PTBP2: variants seen among roughly 807,000 people sequenced by gnomAD.
PTBP2 encodes polypyrimidine tract binding protein 2.
Under a neutral mutation model 61.4 loss-of-function variants are expected in PTBP2, and 13 were observed. The ratio of observed to expected loss-of-function variants is 0.21; its 90% CI spans 0.14 to 0.34. The LOEUF (loss-of-function observed/expected upper bound fraction) is 0.34, where lower values mean the gene tolerates loss of function less well. Ranked by LOEUF, PTBP2 falls within the 10% of genes least tolerant of loss-of-function variation. The pLI, the probability that PTBP2 is intolerant of heterozygous loss-of-function variation, is 1.00. For synonymous variants in PTBP2, 215 were observed against 218.5 expected, an observed-to-expected ratio of 0.98 and a Z score of 0.14; for missense variants, 405 against 642.6, an observed-to-expected ratio of 0.63 and a Z score of 4.00.
intron 3 of PTBP2, among the ~76,000 whole-genome samples, chr1:96,753,357 G>T (rs919137225): frequency 6.6e-6 from 1 of 152,040 alleles, no homozygotes; most frequent in Non-Finnish European, 1.5e-5. Context: ...TATAGGAAGT[G>T]CCATCTATAA....
intron 7 of PTBP2, among the ~76,000 whole-genome samples, chr1:96,782,683 G>A (rs970890612): frequency 6.6e-6 from 1 of 151,956 alleles, no homozygotes; most frequent in Admixed American, 6.6e-5. Context: ...ATATTAAAAA[G>A]TAGATATTTA....
intron 2 of PTBP2, among the ~76,000 whole-genome samples, chr1:96,738,890 A>G (rs1435405350): frequency 6.6e-6 from 1 of 152,238 alleles, no homozygotes; most frequent in Non-Finnish European, 1.5e-5. Context: ...AAAAATGATC[A>G]GATAAGTATA....
chr1:96,791,920 G>A (rs1324241160), intron 8 of PTBP2, among the ~76,000 whole-genome samples: 3 of 137,814 alleles, frequency 2.2e-5, no homozygotes, highest in Non-Finnish European at 3.0e-5. Flanking sequence ...TGCAAGCTCC[G>A]CCTCCTGGGT....
Position 96,812,613 on chromosome 1 carries a change from T to C in PTBP2, c.1172-99T>C, listed in dbSNP as rs1164498658. ...GGTAAATTGGTGATTTATTTTAAAA[T>C]CATAAGAAAATTCAAATTTTTAAAC... is the stretch of plus-strand genomic sequence containing the variant. On this transcript the variant is annotated intron_variant, in intron 11 of 13. Transcript: ENST00000674951. 4.1e-6 allele frequency: 4 copies of C among 964,966 alleles called. No individual in the cohort carries two copies. The South Asian group carries it at 5.3e-5, about 13-fold the overall frequency. 59.8% of individuals were successfully genotyped at this position (964,966 alleles called of 1,614,324 possible).
chr1:96,784,646 G>T (rs1428564684), intron 7 of PTBP2, among the ~76,000 whole-genome samples: 1 of 152,082 alleles, frequency 6.6e-6, no homozygotes, highest in Non-Finnish European at 1.5e-5. Context: ...TTCTAAAACT[G>T]TACTGAATCA....
At chr1:96,796,032 G>A (rs190628086) in intron 8 of PTBP2, among the ~76,000 whole-genome samples, 1 of 152,320 alleles carries the variant, frequency 6.6e-6, no homozygotes, top group East Asian at 1.9e-4. Flanking sequence ...TTAAGTCCTA[G>A]AATTGATTGC....
At chr1:96,725,775 A>G (rs910825425) in intron 2 of PTBP2, among the ~76,000 whole-genome samples, 3 of 152,068 alleles carry the variant, frequency 2.0e-5, no homozygotes, top group Non-Finnish European at 4.4e-5. Flanking sequence ...ACACTGATGC[A>G]TGTGCATATT....
chr1:96,726,340 T>C (rs1473715615), intron 2 of PTBP2, among the ~76,000 whole-genome samples: 2 of 149,304 alleles, frequency 1.3e-5, no homozygotes, highest in Non-Finnish European at 3.0e-5. Flanking sequence ...TGGCATGATC[T>C]CGGCTTACTG....
intron 3 of PTBP2, among the ~76,000 whole-genome samples, chr1:96,763,840 C>G (rs181353520): frequency 7.2e-4 from 109 of 152,086 alleles, no homozygotes; most frequent in African/African-American, 2.5e-3. Context: ...TGAAAGTCTG[C>G]ATATATTCTA....
chr1:96,815,226 C>CTTTTTTTTTTT, downstream of PTBP2: 1 of 148,544 alleles, frequency 6.7e-6, no homozygotes, highest in Non-Finnish European at 1.5e-5. Flanking sequence ...GATTTATGCA[C>CTTTTTTTTTTT]TAATAGATCT....
chr1:96,764,239 G>A (rs576515214), intron 3 of PTBP2, among the ~76,000 whole-genome samples: 1 of 152,186 alleles, frequency 6.6e-6, no homozygotes, highest in South Asian at 2.1e-4. Flanking sequence ...TTAATCTCAG[G>A]TAAATAAATG....
chr1:96,732,071 A>T (rs1464081641), intron 2 of PTBP2, among the ~76,000 whole-genome samples: 3 of 152,148 alleles, frequency 2.0e-5, no homozygotes, highest in Non-Finnish European at 2.9e-5. Context: ...TGGACAACTA[A>T]TAAATAACCT....
rs373459785 is a variant in PTBP2 at position 96,727,154 on chromosome 1, G to A, written c.39+3560G>A. 6.5e-4 allele frequency among the ~76,000 whole-genome samples: 99 copies of A among 152,144 alleles called. 1 individual carries two copies. Among genetic ancestry groups the A allele is most frequent in the East Asian group, 5.2e-3 (27 of 5,174 alleles). The stretch of plus-strand genomic sequence containing the variant: ...GAATTTTAGATAAATGTAATCATAT[G>A]GTATGTACATTTTTGGTCTGGGTTA... On this transcript the variant is annotated intron_variant, in intron 2 of 13. Coordinates refer to ENST00000674951, the MANE Select transcript of PTBP2 (RefSeq NM_021190.4).
chr1:96,757,637 A>T (rs141584118), intron 3 of PTBP2, among the ~76,000 whole-genome samples: 168 of 152,310 alleles, frequency 1.1e-3, no homozygotes, highest in African/African-American at 3.9e-3. Context: ...CTGTAAAATA[A>T]CTTCAAGTGT....
At chr1:96,809,234 C>CA (rs1469623935) in intron 11 of PTBP2, among the ~76,000 whole-genome samples, 3 of 152,020 alleles carry the variant, frequency 2.0e-5, no homozygotes, top group African/African-American at 7.2e-5. Context: ...CAAAAAAAGA[C>CA]AAAATCAACA....
intron 3 of PTBP2, among the ~76,000 whole-genome samples, chr1:96,758,442 A>C (rs565514779): frequency 1.3e-5 from 2 of 152,202 alleles, no homozygotes; most frequent in East Asian, 3.9e-4. Flanking sequence ...GACAAGGGTA[A>C]TATATCAAGA....
chr1:96,729,295 T>C (rs575484529), intron 2 of PTBP2, among the ~76,000 whole-genome samples: 1 of 152,322 alleles, frequency 6.6e-6, no homozygotes, highest in African/African-American at 2.4e-5. Flanking sequence ...GTGTTAAGAT[T>C]ACAGGCGTGA....
intron 8 of PTBP2, among the ~76,000 whole-genome samples, chr1:96,801,305 G>C (rs1195901871): frequency 6.6e-6 from 1 of 152,074 alleles, no homozygotes; most frequent in Non-Finnish European, 1.5e-5. Flanking sequence ...TATTTGAAGT[G>C]AGTAAATGTA....
chr1:96,820,647 C>T (rs1662656918), exon 14 of PTBP2: 1 of 148,746 alleles, frequency 6.7e-6, no homozygotes, highest in Non-Finnish European at 1.5e-5. Flanking sequence ...GTTTTCAACA[C>T]ATCTGACACC....
Sources: gnomAD v4.1 joint callset for allele counts (sites outside exome capture counted in the v4.1 genomes callset) on GRCh38, gnomAD v4.1.1 for gene constraint, MANE v1.5 for transcripts, NCBI Gene and HGNC (gene_info 2026-07-23, HGNC 2026-07-21) for gene names.